The following MICAL2 variants were observed in gnomAD, a reference collection of about 807,000 sequenced individuals.
MICAL2 encodes [F-actin]-monooxygenase MICAL2.
Under a neutral mutation model 127.3 loss-of-function variants are expected in MICAL2, and 77 were observed. The observed-to-expected ratio is 0.60, with a 90% CI of 0.50 to 0.73. The LOEUF (loss-of-function observed/expected upper bound fraction) is 0.73. Ranked by LOEUF, MICAL2 falls within the 30% of genes least tolerant of loss-of-function variation. The pLI, the probability that MICAL2 is intolerant of heterozygous loss-of-function variation, is 0.00. For missense variants in MICAL2, 1,351 were observed against 1,434.4 expected, an observed-to-expected ratio of 0.94 and a Z score of 0.94; for synonymous variants, 570 against 551.1, an observed-to-expected ratio of 1.03 and a Z score of -0.48.
chr11:12,277,746 A>G (rs1863736665), intron 1 of MICAL2, among the ~76,000 whole-genome samples: 2 of 152,334 alleles, frequency 1.3e-5, no homozygotes, highest in South Asian at 2.1e-4. Flanking sequence ...GCATCGCTTA[A>G]TAGCCGAGAT....
intron 3 of MICAL2, among the ~76,000 whole-genome samples, chr11:12,184,831 A>G (rs12785795): frequency 0.39 from 58,320 of 151,148 alleles, 11,685 homozygotes; most frequent in African/African-American, 0.47. Flanking sequence ...CAGATTGCTC[A>G]AAGGAACTGT....
At chr11:12,207,761 G>T (rs1013432962) in intron 4 of MICAL2, 13 of 360,862 alleles carry the variant, frequency 3.6e-5, no homozygotes, top group Non-Finnish European at 5.0e-5. Context: ...TTTGCTCTGT[G>T]TCGCCTTGAG....
intron 29 of MICAL2, among the ~76,000 whole-genome samples, chr11:12,310,662 T>C (rs980541599): frequency 6.6e-6 from 1 of 152,254 alleles, no homozygotes; most frequent in East Asian, 1.9e-4. Context: ...TTGGGGTCTT[T>C]CGTGGTTCTG....
intron 17 of MICAL2, among the ~76,000 whole-genome samples, chr11:12,239,875 C>T (rs970859119): frequency 1.3e-5 from 2 of 152,208 alleles, no homozygotes; most frequent in Admixed American, 6.5e-5. Context: ...ACTTTATTTA[C>T]AAAAAACAGG....
At chr11:12,286,545 T>A (rs1223817641) in intron 2 of MICAL2, among the ~76,000 whole-genome samples, 1 of 152,208 alleles carries the variant, frequency 6.6e-6, no homozygotes, top group Non-Finnish European at 1.5e-5. Context: ...AGGCATTCTC[T>A]GAGGGTGGTA....
downstream of MICAL2, among the ~76,000 whole-genome samples, chr11:12,266,075 G>A (rs1347656410): frequency 2.6e-5 from 4 of 152,176 alleles, no homozygotes; most frequent in Admixed American, 2.6e-4. Flanking sequence ...TCATGCCACT[G>A]CACTCCAGCT....
chr11:12,168,290 C>A (rs373618228), intron 3 of MICAL2, among the ~76,000 whole-genome samples: 1 of 151,144 alleles, frequency 6.6e-6, no homozygotes, highest in Admixed American at 6.6e-5. Flanking sequence ...CATACACACA[C>A]GCCACACACC....
chr11:12,220,481 C>T (rs775055685), intron 9 of MICAL2, 23 bp downstream of exon 9: 3 of 1,601,056 alleles, frequency 1.9e-6, no homozygotes, highest in Non-Finnish European at 2.5e-6. Flanking sequence ...CTCGGAGCCC[C>T]CATGTTTCTC....
intron 29 of MICAL2, among the ~76,000 whole-genome samples, chr11:12,317,375 T>C (rs1167425465): frequency 1.3e-5 from 2 of 152,208 alleles, no homozygotes; most frequent in Non-Finnish European, 2.9e-5. Context: ...TGCCTGAAAA[T>C]AGATGCTTCA....
At chr11:12,182,463 A>G (rs557475841) in intron 3 of MICAL2, among the ~76,000 whole-genome samples, 13 of 152,164 alleles carry the variant, frequency 8.5e-5, no homozygotes, top group Non-Finnish European at 1.5e-4. Flanking sequence ...AAACAGCAAT[A>G]TTCTAACACA....
In MICAL2 at chr11:12,236,167, G is replaced by A. The variant is rs1249527875; in HGVS notation, c.1996-10G>A. ...CCCCAGAGCTCACCCTGCTTTCTTG[G>A]CCATTGCAGGTGGATGGTCAAACCG... On this transcript the variant is annotated splice_polypyrimidine_tract_variant and intron_variant, in intron 15 of 27. Transcript: ENST00000683283. 6.2e-7 allele frequency: 1 copy of A among 1,613,876 alleles called. No homozygotes were observed.
chr11:12,340,470 A>G (rs1565310169), intron 32 of MICAL2, among the ~76,000 whole-genome samples: 1 of 152,212 alleles, frequency 6.6e-6, no homozygotes, highest in African/African-American at 2.4e-5. Context: ...TTGGAAAACA[A>G]TTGGGCTTTA....
At chr11:12,331,787 T>C (rs2134862675) in intron 32 of MICAL2, among the ~76,000 whole-genome samples, 1 of 152,284 alleles carries the variant, frequency 6.6e-6, no homozygotes, top group South Asian at 2.1e-4. Flanking sequence ...GAAATAATGT[T>C]AGTAAAGCAC....
intron 29 of MICAL2, among the ~76,000 whole-genome samples, chr11:12,311,147 C>T (rs1864169484): frequency 6.6e-6 from 1 of 152,024 alleles, no homozygotes; most frequent in Admixed American, 6.5e-5. Context: ...TATTTGACTC[C>T]TTCTTTTCCA....
chr11:12,225,826 C>A, intron 13 of MICAL2: 1 of 300,104 alleles, frequency 3.3e-6, no homozygotes, highest in South Asian at 3.7e-5. Context: ...ATGTTTTTTA[C>A]AAGATGCCCA....
chr11:12,328,922 T>C (rs934729651), intron 32 of MICAL2, among the ~76,000 whole-genome samples: 9 of 151,156 alleles, frequency 6.0e-5, no homozygotes, highest in Non-Finnish European at 1.3e-4. Flanking sequence ...CCCATCCAAG[T>C]AAGGGGTCCT....
Position 12,261,172 on chromosome 11 carries a change from A to G in MICAL2, c.3334+1275A>G, listed in dbSNP as rs184220036. On this transcript the variant is annotated intron_variant, in intron 26 of 27. Coordinates refer to ENST00000683283, the MANE Select transcript of MICAL2 (RefSeq NM_001282663.2). The stretch of plus-strand genomic sequence containing the variant: ...GTTAGCACATCAGGCTATTGCTGGG[A>G]AGCGTGGCCTGCCCAGTGAGCATTG... The G allele has an allele frequency of 2.2e-4, 215 of 985,480 alleles. 1 individual carries two copies. In the Middle Eastern group the frequency reaches 5.2e-3, roughly 24 times the overall value. 61.0% of individuals were successfully genotyped at this position (985,480 alleles called of 1,614,324 possible).
At chr11:12,277,135 G>A (rs10741575) in intron 1 of MICAL2, among the ~76,000 whole-genome samples, 60,605 of 151,730 alleles carry the variant, frequency 0.4, 13,003 homozygotes, top group East Asian at 0.77. Context: ...TGGTGGGCTC[G>A]CCTGTGTGTT....
At chr11:12,267,371 C>T (rs1031803948), downstream of MICAL2, among the ~76,000 whole-genome samples, 2 of 152,180 alleles carry the variant, frequency 1.3e-5, no homozygotes, top group African/African-American at 4.8e-5. Flanking sequence ...TGCAATTCCC[C>T]TTTTCTTGTT....
Sources: allele counts gnomAD v4.1 joint callset (sites outside exome capture counted in the v4.1 genomes callset), GRCh38; gene constraint gnomAD v4.1.1; transcripts MANE v1.5; gene names NCBI Gene and HGNC (gene_info 2026-07-23, HGNC 2026-07-21).